HLCS: variants seen among roughly 807,000 people sequenced by gnomAD.
The protein encoded by HLCS is biotin--protein ligase.
In HLCS, 53 loss-of-function variants were observed where a neutral mutation model predicts 75.0. The ratio of observed to expected loss-of-function variants is 0.71; its 90% CI spans 0.57 to 0.89. The LOEUF (loss-of-function observed/expected upper bound fraction) is 0.89. HLCS is among the 40% of genes least tolerant of loss of function. The pLI is 0.00. For synonymous variants in HLCS, 431 were observed against 428.6 expected (o/e 1.01, Z -0.07); for missense variants, 966 against 1,074.0 (o/e 0.90, Z 1.41).
intron 6 of HLCS, among the ~76,000 whole-genome samples, chr21:36,832,235 C>A (rs1437393714): frequency 6.6e-6 from 1 of 151,896 alleles, no homozygotes; most frequent in African/African-American, 2.4e-5. Context: ...AACGAAAGGG[C>A]AAAAAGGTAG....
intron 5 of HLCS, among the ~76,000 whole-genome samples, chr21:36,906,049 C>CAAAAAAA (rs71328521): frequency 7.5e-4 from 70 of 92,826 alleles, no homozygotes; most frequent in Non-Finnish European, 1.3e-3. Flanking sequence ...GACTCCATCT[C>CAAAAAAA]AAAAAAAAAA....
intron 6 of HLCS, among the ~76,000 whole-genome samples, chr21:36,884,445 C>T (rs192182860): frequency 3.3e-5 from 5 of 152,376 alleles, no homozygotes; most frequent in East Asian, 3.9e-4. Context: ...AACCAGACTT[C>T]TAATAAACTC....
At chr21:36,781,516 ATTTCCT>A (rs1191494851) in intron 6 of HLCS, among the ~76,000 whole-genome samples, 1 of 152,072 alleles carries the variant, frequency 6.6e-6, no homozygotes, top group Non-Finnish European at 1.5e-5. Flanking sequence ...ATATCCCATA[ATTTCCT>A]TTAACTAGTT....
rs2062649248 is a variant in HLCS at position 36,842,488 on chromosome 21, C to T, written c.1892+54372G>A. Among the ~76,000 whole-genome samples the T allele has an allele frequency of 6.6e-6, 1 of 152,144 alleles. No individual in the cohort carries two copies. The highest frequency in any genetic ancestry group is 1.5e-5 in the Non-Finnish European group (1 of 68,032). On this transcript the variant is annotated intron_variant, in intron 6 of 10. Transcript: ENST00000674895. The surrounding 1 kb of genome is among the most constrained non-coding windows in gnomAD (Gnocchi z 4.2). ...GGCACAGTGGCTCATCCCTATAATC[C>T]CAGCACTTCGGGAGGCCAAGGTGGG...
At chr21:36,782,831 A>C (rs2060575313) in intron 6 of HLCS, among the ~76,000 whole-genome samples, 1 of 151,842 alleles carries the variant, frequency 6.6e-6, no homozygotes. Flanking sequence ...AATACTACTA[A>C]AAATTAGCTG....
chr21:36,753,068 A>G lies in HLCS; in HGVS notation c.*1178T>C, dbSNP rs2089429386. On this transcript the variant is annotated 3_prime_UTR_variant, in exon 11 of 11. Coordinates refer to ENST00000674895, the MANE Select transcript of HLCS (RefSeq NM_001352514.2). This position sits in a 1 kb window ranked among gnomAD's most constrained non-coding sequence, Gnocchi z 4.3. The stretch of plus-strand genomic sequence containing the variant: ...GTACATCTGGGAATAGCGAATGCAT[A>G]TCAAAAGGCTTCATTTCTTTTGTTC... 1 of 152,716 alleles carries G rather than the reference A, an allele frequency of 6.5e-6. No homozygotes were observed. The highest frequency in any genetic ancestry group is 1.5e-5 in the Non-Finnish European group (1 of 68,056). 9.5% of individuals were successfully genotyped at this position (152,716 alleles called of 1,614,324 possible). A position where few individuals can be genotyped will look rare whatever the true frequency, so the allele number is the denominator to read the frequency against.
At position 36,756,663 on chromosome 21, in the gene HLCS, G is replaced by C. The variant is rs147517312; in HGVS notation, c.2329C>G (p.Pro777Ala). ...GCGATGAGATAATCGGCTCTTAAGG[G>C]CTTCAGTTCTGCCTTGTGTTGTTTA... ...YNKQHKAELKPLRADYLIARV... is the reference protein window; with the variant it reads ...YNKQHKAELKALRADYLIARV... The change falls in exon 10 of 11, where the codon CCC becomes GCC. Residue 777 changes from proline to alanine, a missense_variant. Transcript: ENST00000674895. 2.5e-6 allele frequency: 4 copies of C among 1,614,072 alleles called. No homozygotes were observed. The highest frequency in any genetic ancestry group is 3.4e-6 in the Non-Finnish European group (4 of 1,180,016).
intron 6 of HLCS, among the ~76,000 whole-genome samples, chr21:36,784,246 C>T (rs2145849527): frequency 6.6e-6 from 1 of 151,646 alleles, no homozygotes; most frequent in East Asian, 1.9e-4. Flanking sequence ...GGCCCATCTT[C>T]TGACTCACTA....
chr21:36,873,622 A>G (rs926317373), intron 6 of HLCS, among the ~76,000 whole-genome samples: 7 of 152,130 alleles, frequency 4.6e-5, no homozygotes, highest in African/African-American at 1.4e-4. Context: ...GATGAGCAGA[A>G]TTTTTCTTTT....
At chr21:36,826,435 C>A (rs2062011395) in intron 6 of HLCS, among the ~76,000 whole-genome samples, 1 of 152,230 alleles carries the variant, frequency 6.6e-6, no homozygotes, top group Non-Finnish European at 1.5e-5. Flanking sequence ...TTATGCTTCA[C>A]TGGAGCAGGC....
chr21:36,904,875 A>G (rs1250818246), intron 5 of HLCS, among the ~76,000 whole-genome samples: 1 of 152,212 alleles, frequency 6.6e-6, no homozygotes, highest in Non-Finnish European at 1.5e-5. Flanking sequence ...GCAATGTAAA[A>G]ATGTTACTGA....
At chr21:36,972,495 G>T (rs529328545) in intron 1 of HLCS, among the ~76,000 whole-genome samples, 1 of 152,076 alleles carries the variant, frequency 6.6e-6, no homozygotes, top group Non-Finnish European at 1.5e-5. Flanking sequence ...CAATAAGTAG[G>T]ATTCACTGTC....
chr21:36,952,434 T>G (rs2067709612), intron 2 of HLCS, among the ~76,000 whole-genome samples: 11 of 152,144 alleles, frequency 7.2e-5, no homozygotes, highest in African/African-American at 2.7e-4. Context: ...TAAGTGAAAT[T>G]AGTTAACTGG....
rs116940444 is a variant in HLCS at position 36,895,456 on chromosome 21, T to C, written c.1892+1404A>G. On this transcript the variant is annotated intron_variant, in intron 6 of 10. Transcript: ENST00000674895. ...AGGAGAGTTAAGAAGCGCTGAAAAATGAAAGTACCTATGACATCACAAATT... is the reference window on the plus strand; with the variant it reads ...AGGAGAGTTAAGAAGCGCTGAAAAACGAAAGTACCTATGACATCACAAATT... 8.9e-4 allele frequency among the ~76,000 whole-genome samples: 136 copies of C among 152,046 alleles called. No individual in the cohort carries two copies. In the East Asian group the frequency reaches 0.026, roughly 29 times the overall value.
At chr21:36,844,808 G>A (rs1033126718) in intron 6 of HLCS, among the ~76,000 whole-genome samples, 2 of 151,952 alleles carry the variant, frequency 1.3e-5, no homozygotes, top group African/African-American at 4.8e-5. Context: ...GGAGAAATCC[G>A]ATCGATTGGG....
chr21:36,837,680 G>GTAATAA (rs2062460905), intron 6 of HLCS, among the ~76,000 whole-genome samples: 3 of 152,200 alleles, frequency 2.0e-5, no homozygotes, highest in Non-Finnish European at 2.9e-5. Context: ...ATAAGGATTA[G>GTAATAA]TAAGATGCAC....
chr21:36,840,908 A>C (rs890244630), intron 6 of HLCS, among the ~76,000 whole-genome samples: 13 of 152,094 alleles, frequency 8.5e-5, no homozygotes, highest in Non-Finnish European at 1.6e-4. Context: ...CCACAGCACC[A>C]GGCCACAATA....
At chr21:36,773,888 T>C (rs1291203314) in intron 6 of HLCS, among the ~76,000 whole-genome samples, 1 of 152,232 alleles carries the variant, frequency 6.6e-6, no homozygotes, top group African/African-American at 2.4e-5. Flanking sequence ...ACATATTACA[T>C]TGTAAAAACC....
rs187209213 is a variant in HLCS at position 36,941,546 on chromosome 21, C to T, written c.331-2552G>A. ...AATAAGGAAATAATAGTCTTTTCAACGAATGGTACTGGTACAACTACATAC... is the reference window on the plus strand; with the variant it reads ...AATAAGGAAATAATAGTCTTTTCAATGAATGGTACTGGTACAACTACATAC... On this transcript the variant is annotated intron_variant, in intron 2 of 10. Coordinates refer to ENST00000674895, the MANE Select transcript of HLCS (RefSeq NM_001352514.2). Among the ~76,000 whole-genome samples the T allele has an allele frequency of 3.6e-3, 541 of 152,282 alleles. 2 individuals are homozygous for T. Among genetic ancestry groups the T allele is most frequent in the Admixed American group, 8.5e-3 (130 of 15,304 alleles).
Sources: gnomAD v4.1 joint callset for allele counts (sites outside exome capture counted in the v4.1 genomes callset) on GRCh38, gnomAD v4.1.1 for gene constraint, Gnocchi (gnomAD v3.1) non-coding constraint, MANE v1.5 for transcripts, NCBI Gene and HGNC (gene_info 2026-07-23, HGNC 2026-07-21) for gene names.